RAPGEF6: variants seen among roughly 807,000 people sequenced by gnomAD.
The protein encoded by RAPGEF6 is Rap guanine nucleotide exchange factor 6.
In RAPGEF6, 56 loss-of-function variants were observed where a neutral mutation model predicts 171.4. That is an observed-to-expected ratio of 0.33 (90% CI 0.26 to 0.41). RAPGEF6 has a LOEUF of 0.41. RAPGEF6 is among the 10% of genes least tolerant of loss of function. The pLI is 1.00. For synonymous variants in RAPGEF6, 692 were observed against 650.1 expected (o/e 1.06, Z -0.98); for missense variants, 1,674 against 1,921.4 (o/e 0.87, Z 2.41).
chr5:131,432,996 A>G (rs1751801704), intron 25 of RAPGEF6, among the ~76,000 whole-genome samples: 1 of 151,832 alleles, frequency 6.6e-6, no homozygotes, highest in Admixed American at 6.6e-5. Flanking sequence ...CTAGGTGATT[A>G]TTCTTACTCC....
chr5:131,452,889 C>T (rs764633192), intron 21 of RAPGEF6, among the ~76,000 whole-genome samples, 165 bp downstream of exon 21: 32 of 152,116 alleles, frequency 2.1e-4, no homozygotes, highest in Non-Finnish European at 4.0e-4. Flanking sequence ...ATATCACCTA[C>T]CTGTTATGGT....
At chr5:131,529,404 A>C (rs536115410) in intron 6 of RAPGEF6, among the ~76,000 whole-genome samples, 4 of 150,972 alleles carry the variant, frequency 2.6e-5, no homozygotes, top group Admixed American at 1.3e-4. Context: ...TTGACCCGGG[A>C]GGTGGAGGTT....
chr5:131,514,933 T>TGA (rs886196750), intron 7 of RAPGEF6, among the ~76,000 whole-genome samples: 2 of 152,140 alleles, frequency 1.3e-5, no homozygotes, highest in Non-Finnish European at 2.9e-5. Flanking sequence ...TATATATTGG[T>TGA]GATAGGATTA....
In RAPGEF6 at chr5:131,464,145, T is replaced by C. The variant is rs1580864467; in HGVS notation, c.2376A>G (p.Thr792=). ...TAACAGAAACTTCACAGAGAGAATA[T>C]GTGTCGGATGCACCGGTCAAACCAA... ...HEFGLTGASD[T]YSLCEVSVTP... is the part of the protein sequence containing the mutation. Residue 792 remains threonine, a synonymous_variant, in exon 18 of 28, where the codon ACA becomes ACG. Transcript: ENST00000509018. The C allele has an allele frequency of 6.2e-7, 1 of 1,614,068 alleles. No individual in the cohort carries two copies. The highest frequency in any genetic ancestry group is 1.7e-4 in the Middle Eastern group (1 of 6,058).
intron 14 of RAPGEF6, among the ~76,000 whole-genome samples, chr5:131,489,921 C>A (rs1756170409): frequency 6.6e-6 from 1 of 151,856 alleles, no homozygotes; most frequent in African/African-American, 2.4e-5. Context: ...AATACCCACA[C>A]CAGATGGTTT....
intron 3 of RAPGEF6, among the ~76,000 whole-genome samples, chr5:131,595,677 A>G (rs571329256): frequency 2.4e-4 from 37 of 152,166 alleles, no homozygotes; most frequent in Non-Finnish European, 3.8e-4. Context: ...AAAATCTATA[A>G]AACAACCAGA....
At chr5:131,453,003 T>C (rs756465899) in intron 21 of RAPGEF6, 51 bp downstream of exon 21, 2 of 1,545,444 alleles carry the variant, frequency 1.3e-6, no homozygotes, top group Non-Finnish European at 1.7e-6. Flanking sequence ...TTTTAATTAT[T>C]ACATCACCCT....
intron 15 of RAPGEF6, 141 bp from the exon 16 acceptor site, chr5:131,479,894 T>C: frequency 1.2e-6 from 1 of 825,886 alleles, no homozygotes; most frequent in South Asian, 1.8e-5. Flanking sequence ...CTGTCAAGTA[T>C]TTACCCGTCC....
chr5:131,612,626 T>C (rs1263340479), intron 1 of RAPGEF6, among the ~76,000 whole-genome samples: 2 of 152,128 alleles, frequency 1.3e-5, no homozygotes, highest in Non-Finnish European at 2.9e-5. Context: ...CTTGTAATTT[T>C]TGACAAGACA....
intron 6 of RAPGEF6, among the ~76,000 whole-genome samples, chr5:131,543,937 T>C (rs945133841): frequency 1.2e-4 from 19 of 152,098 alleles, no homozygotes; most frequent in Admixed American, 9.8e-4. Flanking sequence ...TACAAGTGAC[T>C]AATAAGTACA....
chr5:131,623,477 CTTTTTTTT>C (rs763921579), intron 1 of RAPGEF6, among the ~76,000 whole-genome samples: 1 of 114,184 alleles, frequency 8.8e-6, no homozygotes, highest in Non-Finnish European at 1.8e-5. Flanking sequence ...TTTCACATTG[CTTTTTTTT>C]TTTTTTTTTT....
At chr5:131,464,826 GA>G (rs1395450089) in intron 17 of RAPGEF6, among the ~76,000 whole-genome samples, 2 of 152,100 alleles carry the variant, frequency 1.3e-5, no homozygotes, top group East Asian at 3.8e-4. Flanking sequence ...TAAGGTTTTT[GA>G]AATATACTGC....
chr5:131,507,076 A>T (rs1011178110), intron 9 of RAPGEF6, among the ~76,000 whole-genome samples: 3 of 149,690 alleles, frequency 2.0e-5, no homozygotes, highest in African/African-American at 7.3e-5. Flanking sequence ...TATATATTAT[A>T]ACCTACAGCT....
intron 5 of RAPGEF6, among the ~76,000 whole-genome samples, chr5:131,555,564 A>G (rs937140205): frequency 6.6e-6 from 1 of 152,004 alleles, no homozygotes; most frequent in African/African-American, 2.4e-5. Context: ...AGTTATATTA[A>G]CTATAATTAT....
At chr5:131,501,336 C>CG (rs1757012321) in intron 11 of RAPGEF6, among the ~76,000 whole-genome samples, 2 of 83,856 alleles carry the variant, frequency 2.4e-5, no homozygotes, top group Non-Finnish European at 5.3e-5. Context: ...ACTTTGTCTC[C>CG]AAAAAAAAAA....
At position 131,504,662 on chromosome 5, in the gene RAPGEF6, G is replaced by A; in HGVS notation, c.1218C>T (p.Asp406=). Residue 406 remains aspartate, a synonymous_variant, in exon 11 of 28, where the codon GAC becomes GAT. Coordinates refer to ENST00000509018, the MANE Select transcript of RAPGEF6 (RefSeq NM_016340.6). ...IVMVHEHREL[D]RSGTRKGHIV... ...TGTGTCCTTTCCTGGTTCCACTCCG[G>A]TCTAGTTCCCGATGCTCATGTACCA... 1.2e-6 allele frequency: 2 copies of A among 1,612,842 alleles called. No individual in the cohort carries two copies. Among genetic ancestry groups the A allele is most frequent in the Non-Finnish European group, 1.7e-6 (2 of 1,179,636 alleles).
At chr5:131,498,341 C>T (rs1756771959) in intron 12 of RAPGEF6, 102 bp downstream of exon 12, 2 of 1,106,142 alleles carry the variant, frequency 1.8e-6, no homozygotes, top group Non-Finnish European at 2.6e-6. Flanking sequence ...TTTAGGTGTA[C>T]TGAATCTTAT....
At position 131,561,980 on chromosome 5, in the gene RAPGEF6, C is replaced by T; in HGVS notation, c.349G>A (p.Val117Met). The T allele has an allele frequency of 6.3e-7, 1 of 1,589,382 alleles. No individual in the cohort carries two copies. Among genetic ancestry groups the T allele is most frequent in the Non-Finnish European group, 8.6e-7 (1 of 1,164,572 alleles). The change falls in exon 5 of 28, where the codon GTG becomes ATG. Residue 117 changes from valine (V) to methionine (M), a missense_variant and splice_region_variant. This residue lies in a region of RAPGEF6 where 1,116 missense variants were observed against 1,321.5 expected (regional missense o/e 0.84). Coordinates refer to ENST00000509018, the MANE Select transcript of RAPGEF6 (RefSeq NM_016340.6). ...TCAGCATTCTTTAAAGTTCTTACCA[C>T]AATCATTTCTGAAGGCTCTAATACA... ...CLVLEPSEMI[V>M]VENAKDNEDS...
chr5:131,508,357 AT>A, intron 8 of RAPGEF6, 150 bp from the exon 9 acceptor site: 2 of 772,344 alleles, frequency 2.6e-6, no homozygotes, highest in Middle Eastern at 3.6e-4. Context: ...TTGACCGTTG[AT>A]TTTTAAAATC....
Sources: allele counts gnomAD v4.1 joint callset (sites outside exome capture counted in the v4.1 genomes callset), GRCh38; gene constraint gnomAD v4.1.1; regional missense constraint gnomAD v4.1.1; transcripts MANE v1.5; gene names NCBI Gene and HGNC (gene_info 2026-07-23, HGNC 2026-07-21).